Variants in NYAP1 observed in about 807,000 individuals in gnomAD.
The protein encoded by NYAP1 is neuronal tyrosine phosphorylated phosphoinositide-3-kinase adaptor 1.
Under a neutral mutation model 58.6 loss-of-function variants are expected in NYAP1, and 20 were observed. The observed-to-expected ratio is 0.34, with a 90% CI of 0.24 to 0.50. The LOEUF (loss-of-function observed/expected upper bound fraction) is 0.50. NYAP1 is among the 20% of genes least tolerant of loss of function. The pLI, the probability that NYAP1 is intolerant of heterozygous loss-of-function variation, is 0.98. For missense variants in NYAP1, 1,150 were observed against 1,194.5 expected, an observed-to-expected ratio of 0.96 and a Z score of 0.55; for synonymous variants, 572 against 523.1, an observed-to-expected ratio of 1.09 and a Z score of -1.27.
At position 100,489,647 on chromosome 7, in the gene NYAP1, A is replaced by G. The variant is rs1799765896; in HGVS notation, c.1926A>G (p.Arg642=). 1.3e-6 allele frequency: 2 copies of G among 1,596,984 alleles called. No individual in the cohort carries two copies. Among genetic ancestry groups the G allele is most frequent in the South Asian group, 1.1e-5 (1 of 89,490 alleles). Reference sequence around the variant, plus strand: ...AGAGGAAGGTCCTCTATGGAGGGAGAAAAGCAAAGGAGTTGGACAGTGAGT... The same window carrying G: ...AGAGGAAGGTCCTCTATGGAGGGAGGAAAGCAAAGGAGTTGGACAGTGAGT... ...ALQRKVLYGG[R]KAKELDKVED... Residue 642 remains arginine, a synonymous_variant, in exon 4 of 7, where the codon AGA becomes AGG. Coordinates refer to ENST00000300179, the MANE Select transcript of NYAP1 (RefSeq NM_173564.4).
At position 100,486,998 on chromosome 7, in the gene NYAP1, C is replaced by G. The variant is rs569558355; in HGVS notation, c.246C>G (p.Ser82=). The change falls in exon 3 of 7, where the codon TCC becomes TCG. Residue 82 remains serine, a synonymous_variant. Coordinates refer to ENST00000300179, the MANE Select transcript of NYAP1 (RefSeq NM_173564.4). The surrounding 1 kb of genome is among the most constrained non-coding windows in gnomAD (Gnocchi z 6.2). The stretch of plus-strand genomic sequence containing the variant: ...GCCGCAGCGCCATGGCCCCACGCTC[C>G]CTCTCCTGCCACTCGGTGGGCAGCA... ...HPCRSAMAPR[S]LSCHSVGSMD... 5 of 1,608,922 alleles carry G rather than the reference C, an allele frequency of 3.1e-6. No individual in the cohort carries two copies. The highest frequency in any genetic ancestry group is 3.4e-5 in the Admixed American group (2 of 59,546).
chr7:100,487,077 A>G lies in NYAP1; in HGVS notation c.325A>G (p.Ser109Gly). 2 of 1,597,180 alleles carry G rather than the reference A, an allele frequency of 1.3e-6. No homozygotes were observed. The highest frequency in any genetic ancestry group is 1.7e-6 in the Non-Finnish European group (2 of 1,171,868). The part of the protein sequence containing the change: ...GGASGGLTED[S>G]STRRPPAKPR... ...GGCCAGTGGGGGCCTCACAGAGGAC[A>G]GCAGCACCCGAAGACCCCCTGCCAA... Residue 109 changes from serine (S) to glycine (G), a missense_variant, in exon 3 of 7, where the codon AGC (serine) becomes GGC (glycine). Physicochemically the swap from Ser to Gly is moderately conservative, Grantham distance 56. Transcript: ENST00000300179. This position sits in a 1 kb window ranked among gnomAD's most constrained non-coding sequence, Gnocchi z 4.1.
At position 100,491,036 on chromosome 7, in the gene NYAP1, C is replaced by A. The variant is rs776754027; in HGVS notation, c.2209C>A (p.Arg737=). The change falls in exon 6 of 7, where the codon CGG becomes AGG. Residue 737 remains arginine, a synonymous_variant. Transcript: ENST00000300179. ...GCGCTCCGCCTCCACCTCCGGAGTCCGGCAGGTCGTGCTCCACACACCCCG... is the reference window on the plus strand; with the variant it reads ...GCGCTCCGCCTCCACCTCCGGAGTCAGGCAGGTCGTGCTCCACACACCCCG... ...LGRSASTSGV[R]QVVLHTPRPC... The A allele has an allele frequency of 1.3e-6, 2 of 1,559,718 alleles. No homozygotes were observed. The highest frequency in any genetic ancestry group is 1.7e-6 in the Non-Finnish European group (2 of 1,151,702).
chr7:100,494,500 G>C lies in NYAP1; in HGVS notation c.*597G>C, dbSNP rs1008916711. On this transcript the variant is annotated 3_prime_UTR_variant, in exon 7 of 7. Transcript: ENST00000300179. The stretch of plus-strand genomic sequence containing the variant: ...CAAGGAGGGGTCTGCATGGGGAGTG[G>C]ACCGAGAGAAGAAGGGGCCCAGGGA... 4 of 152,424 alleles carry C rather than the reference G, an allele frequency of 2.6e-5. No homozygotes were observed. The highest frequency in any genetic ancestry group is 9.7e-5 in the African/African-American group (4 of 41,318). 9.4% of individuals were successfully genotyped at this position (152,424 alleles called of 1,614,324 possible). A position where few individuals can be genotyped will look rare whatever the true frequency, so the allele number is the denominator to read the frequency against.
chr7:100,485,592 G>A lies in NYAP1; in HGVS notation c.68+213G>A, dbSNP rs1490533247. Among the ~76,000 whole-genome samples, 4 of 152,140 alleles carry A rather than the reference G, an allele frequency of 2.6e-5. No individual in the cohort carries two copies. The highest frequency in any genetic ancestry group is 5.9e-5 in the Non-Finnish European group (4 of 68,018). ...ACAGCCTAGGAGCACCCCTTTGGTTGTTCCCCATCCCCAGAGGCCCGAGTC... is the reference window on the plus strand; with the variant it reads ...ACAGCCTAGGAGCACCCCTTTGGTTATTCCCCATCCCCAGAGGCCCGAGTC... On this transcript the variant is annotated intron_variant, in intron 2 of 6. Coordinates refer to ENST00000300179, the MANE Select transcript of NYAP1 (RefSeq NM_173564.4). The surrounding 1 kb of genome is among the most constrained non-coding windows in gnomAD (Gnocchi z 5.7).
At position 100,486,861 on chromosome 7, in the gene NYAP1, G is replaced by A. The variant is rs1424006521; in HGVS notation, c.109G>A (p.Ala37Thr). 4.6e-6 allele frequency: 7 copies of A among 1,534,534 alleles called. No homozygotes were observed. The South Asian group carries it at 4.8e-5, about 11-fold the overall frequency. The part of the protein sequence containing the change: ...EVAPAGSAGP[A>T]AGQGPGVRVR... ...GGCCCCCGCTGGCTCGGCTGGGCCC[G>A]CGGCCGGCCAGGGGCCTGGGGTCCG... Residue 37 changes from alanine to threonine, a missense_variant, in exon 3 of 7, where the codon GCG becomes ACG. By Grantham distance (58) the Ala-to-Thr change is moderately conservative (BLOSUM62 0). Transcript: ENST00000300179. The surrounding 1 kb of genome is among the most constrained non-coding windows in gnomAD (Gnocchi z 6.2).
Position 100,489,265 on chromosome 7 carries a change from G to T in NYAP1, c.1544G>T (p.Gly515Val). The T allele has an allele frequency of 6.2e-7, 1 of 1,602,146 alleles. No individual in the cohort carries two copies. Among genetic ancestry groups the T allele is most frequent in the Non-Finnish European group, 8.5e-7 (1 of 1,175,152 alleles). Residue 515 changes from glycine (G) to valine (V), a missense_variant, in exon 4 of 7, where the codon GGT (glycine) becomes GTT (valine). Physicochemically the swap from Gly to Val is moderately radical, Grantham distance 109. Coordinates refer to ENST00000300179, the MANE Select transcript of NYAP1 (RefSeq NM_173564.4). Reference protein sequence around the residue: ...PPVPGKTSPHGGAMGAAAGVL... With the variant: ...PPVPGKTSPHVGAMGAAAGVL... ...GTGCCAGGGAAGACCAGCCCCCACG[G>T]TGGGGCCATGGGCGCAGCAGCTGGG...
chr7:100,488,554 A>G lies in NYAP1; in HGVS notation c.833A>G (p.Asn278Ser), dbSNP rs748872578. Residue 278 changes from asparagine (N) to serine (S), a missense_variant, in exon 4 of 7, where the codon AAT (asparagine) becomes AGT (serine). Coordinates refer to ENST00000300179, the MANE Select transcript of NYAP1 (RefSeq NM_173564.4). This position sits in a 1 kb window ranked among gnomAD's most constrained non-coding sequence, Gnocchi z 5.9. ...GAAGAGGCTGGGGAAGGCCGGGCCA[A>G]TGGCCCTCCACCATTGACGGCAACA... ...LPEEAGEGRA[N>S]GPPPLTATSP... 5 of 1,610,984 alleles carry G rather than the reference A, an allele frequency of 3.1e-6. No homozygotes were observed. The highest frequency in any genetic ancestry group is 1.7e-5 in the Admixed American group (1 of 59,910).
chr7:100,485,371 C>A lies in NYAP1; in HGVS notation c.60C>A (p.Ala20=). The A allele has an allele frequency of 6.2e-7, 1 of 1,601,326 alleles. No homozygotes were observed. Among genetic ancestry groups the A allele is most frequent in the Admixed American group, 1.7e-5 (1 of 58,610 alleles). Residue 20 remains alanine (A), a synonymous_variant, in exon 2 of 7, where the codon GCC becomes GCA. Coordinates refer to ENST00000300179, the MANE Select transcript of NYAP1 (RefSeq NM_173564.4). This position sits in a 1 kb window ranked among gnomAD's most constrained non-coding sequence, Gnocchi z 5.7. ...LEWRQHKEEE[A]KRSSSKEVAP... Reference sequence around the variant, plus strand: ...GGAGGCAGCACAAGGAAGAGGAGGCCAAGAGGAGGTAAGGCTGCACCCCAG... The same window carrying A: ...GGAGGCAGCACAAGGAAGAGGAGGCAAAGAGGAGGTAAGGCTGCACCCCAG...
rs1395190163 is a variant in NYAP1, at chr7:100,489,222, A to G, written c.1501A>G (p.Thr501Ala). Residue 501 changes from threonine to alanine, a missense_variant, in exon 4 of 7, where the codon ACC (threonine) becomes GCC (alanine). Physicochemically the swap from Thr to Ala is moderately conservative, Grantham distance 58 (BLOSUM62 0). Coordinates refer to ENST00000300179, the MANE Select transcript of NYAP1 (RefSeq NM_173564.4). ...EISVLHGMLC[T>A]SSRPPVPGKT... The stretch of plus-strand genomic sequence containing the variant: ...CTCGGTCCTCCATGGGATGCTGTGT[A>G]CCAGCTCAAGGCCCCCTGTGCCAGG... 4.4e-6 allele frequency: 7 copies of G among 1,608,736 alleles called. No homozygotes were observed. The highest frequency in any genetic ancestry group is 1.3e-5 in the African/African-American group (1 of 74,820).
In NYAP1 at chr7:100,493,976, C is replaced by G. The variant is rs1284478002; in HGVS notation, c.*73C>G. ...ACGCCTGGCTCTCCCGGGAGCCTCG[C>G]CTTGAGAGACATTGAAAGACTACGT... On this transcript the variant is annotated 3_prime_UTR_variant, in exon 7 of 7. Coordinates refer to ENST00000300179, the MANE Select transcript of NYAP1 (RefSeq NM_173564.4). 8.7e-6 allele frequency: 11 copies of G among 1,266,406 alleles called. No homozygotes were observed. Among genetic ancestry groups the G allele is most frequent in the Non-Finnish European group, 1.1e-5 (11 of 961,382 alleles). The allele number at this position is 1,266,406 out of a possible 1,614,324, so 78.4% of individuals were successfully genotyped here. A position where few individuals can be genotyped will look rare whatever the true frequency, so the allele number is the denominator to read the frequency against.
Position 100,493,644 on chromosome 7 carries a change from A to G in NYAP1, c.2269-2A>G. 1 of 1,571,796 alleles carries G rather than the reference A, an allele frequency of 6.4e-7. No individual in the cohort carries two copies. The highest frequency in any genetic ancestry group is 2.3e-5 in the East Asian group (1 of 43,258). On this transcript the variant is annotated splice_acceptor_variant, in intron 6 of 6. Coordinates refer to ENST00000300179, the MANE Select transcript of NYAP1 (RefSeq NM_173564.4). LOFTEE classifies it high-confidence loss of function. ...TTCCTTTCTCCCCCGCCCGCGGCACAGCCCCACCCCGCGCTGCCGCTGCCT... is the reference window on the plus strand; with the variant it reads ...TTCCTTTCTCCCCCGCCCGCGGCACGGCCCCACCCCGCGCTGCCGCTGCCT...
Position 100,493,925 on chromosome 7 carries a change from G to C in NYAP1, c.*22G>C. Reference sequence around the variant, plus strand: ...CTGAGGCGGGCGGGGGGGTACCGGGGCGCCTGGACTGGGGAGGGGGCGGGC... The same window carrying C: ...CTGAGGCGGGCGGGGGGGTACCGGGCCGCCTGGACTGGGGAGGGGGCGGGC... On this transcript the variant is annotated 3_prime_UTR_variant, in exon 7 of 7. Coordinates refer to ENST00000300179, the MANE Select transcript of NYAP1 (RefSeq NM_173564.4). The C allele has an allele frequency of 7.0e-7, 1 of 1,420,678 alleles. No individual in the cohort carries two copies. The highest frequency in any genetic ancestry group is 1.5e-5 in the South Asian group (1 of 66,486). The allele number at this position is 1,420,678 out of a possible 1,614,324, so 88.0% of individuals were successfully genotyped here. A position where few individuals can be genotyped will look rare whatever the true frequency, so the allele number is the denominator to read the frequency against.
In NYAP1 at chr7:100,488,190, C is replaced by G. The variant is rs146389993; in HGVS notation, c.469C>G (p.Arg157Gly). Residue 157 changes from arginine (R) to glycine (G), a missense_variant, in exon 4 of 7, where the codon CGG (arginine) becomes GGG (glycine). Transcript: ENST00000300179. This position sits in a 1 kb window ranked among gnomAD's most constrained non-coding sequence, Gnocchi z 5.9. ...AACCCCAGAGGGCCGAGAGTCCAGC[C>G]GGAAGGTTCCTCCGCAGAAGCCCAG... ...KPTPEGRESSRKVPPQKPRRS... is the reference protein window; with the variant it reads ...KPTPEGRESSGKVPPQKPRRS... 4 of 1,609,784 alleles carry G rather than the reference C, an allele frequency of 2.5e-6. No homozygotes were observed. The highest frequency in any genetic ancestry group is 2.2e-5 in the South Asian group (2 of 90,556).
In NYAP1 at chr7:100,490,761, G is replaced by A. The variant is rs994732086; in HGVS notation, c.2158+32G>A. On this transcript the variant is annotated intron_variant, in intron 5 of 6. Transcript: ENST00000300179. This position sits in a 1 kb window ranked among gnomAD's most constrained non-coding sequence, Gnocchi z 4.6. ...CGGCCTGCACACACCTGTGCACAGC[G>A]GGGCTGGCTGGGGGATCTCCCGGGG... 4.4e-5 allele frequency: 64 copies of A among 1,461,184 alleles called. No individual in the cohort carries two copies. The African/African-American group carries it at 5.1e-4, about 12-fold the overall frequency. The allele number at this position is 1,461,184 out of a possible 1,614,324, so 90.5% of individuals were successfully genotyped here.
In NYAP1 at chr7:100,486,712, G is replaced by A. The variant is rs772822203; in HGVS notation, c.69-109G>A. 23 of 1,308,200 alleles carry A rather than the reference G, an allele frequency of 1.8e-5. No individual in the cohort carries two copies. The Admixed American group carries it at 2.0e-4, about 11-fold the overall frequency. 81.0% of individuals were successfully genotyped at this position (1,308,200 alleles called of 1,614,324 possible). ...CAACCCTGTCCCCACCCAGGCTCCC[G>A]TCCTCTTCCCTGGGAAGCCACAGGG... On this transcript the variant is annotated intron_variant, in intron 2 of 6. Transcript: ENST00000300179. This position sits in a 1 kb window ranked among gnomAD's most constrained non-coding sequence, Gnocchi z 6.2.
In NYAP1 at chr7:100,487,100, C is replaced by A; in HGVS notation, c.348C>A (p.Ala116=). Residue 116 remains alanine, a synonymous_variant, in exon 3 of 7, where the codon GCC becomes GCA. Transcript: ENST00000300179. The surrounding 1 kb of genome is among the most constrained non-coding windows in gnomAD (Gnocchi z 4.1). ...TEDSSTRRPP[A]KPRRHPSTKL... is the part of the protein sequence containing the mutation. ...ACAGCAGCACCCGAAGACCCCCTGCCAAGCCCCGGAGACACCCCAGCACCA... is the reference window on the plus strand; with the variant it reads ...ACAGCAGCACCCGAAGACCCCCTGCAAAGCCCCGGAGACACCCCAGCACCA... 1 of 1,591,590 alleles carries A rather than the reference C, an allele frequency of 6.3e-7. No individual in the cohort carries two copies. Among genetic ancestry groups the A allele is most frequent in the Non-Finnish European group, 8.6e-7 (1 of 1,169,032 alleles).
chr7:100,488,176 G>T lies in NYAP1; in HGVS notation c.455G>T (p.Gly152Val). 1 of 1,603,242 alleles carries T rather than the reference G, an allele frequency of 6.2e-7. No individual in the cohort carries two copies. Among genetic ancestry groups the T allele is most frequent in the Non-Finnish European group, 8.5e-7 (1 of 1,176,220 alleles). Residue 152 changes from glycine (G) to valine (V), a missense_variant, in exon 4 of 7, where the codon GGC (glycine) becomes GTC (valine). Transcript: ENST00000300179. This position sits in a 1 kb window ranked among gnomAD's most constrained non-coding sequence, Gnocchi z 5.9. ...KAGSQKPTPE[G>V]RESSRKVPPQ... ...GGCTCACAGAAGCCAACCCCAGAGG[G>T]CCGAGAGTCCAGCCGGAAGGTTCCT...
Position 100,486,816 on chromosome 7 carries a change from C to A in NYAP1, c.69-5C>A. The A allele has an allele frequency of 6.7e-7, 1 of 1,484,056 alleles. No individual in the cohort carries two copies. The highest frequency in any genetic ancestry group is 8.9e-7 in the Non-Finnish European group (1 of 1,121,918). The allele number at this position is 1,484,056 out of a possible 1,614,324, so 91.9% of individuals were successfully genotyped here. A position where few individuals can be genotyped will look rare whatever the true frequency, so the allele number is the denominator to read the frequency against. On this transcript the variant is annotated splice_polypyrimidine_tract_variant and splice_region_variant and intron_variant, in intron 2 of 6. Transcript: ENST00000300179. This position sits in a 1 kb window ranked among gnomAD's most constrained non-coding sequence, Gnocchi z 6.2. ...CTCCACTCCATCGTGGCCTTCTCTC[C>A]CCAGCTCCAGTAAGGAGGTGGCCCC... is the stretch of plus-strand genomic sequence containing the variant.
Sources: gnomAD v4.1 joint callset for allele counts (sites outside exome capture counted in the v4.1 genomes callset) on GRCh38, gnomAD v4.1.1 for gene constraint, Gnocchi (gnomAD v3.1) non-coding constraint, MANE v1.5 for transcripts, NCBI Gene and HGNC (gene_info 2026-07-23, HGNC 2026-07-21) for gene names.